AFF3: variants seen among roughly 807,000 people sequenced by gnomAD.
AFF3 encodes the protein AF4/FMR2 family member 3.
A neutral mutation model predicts 129.7 loss-of-function variants in AFF3; 32 were observed. The observed-to-expected ratio is 0.25, with a 90% CI of 0.19 to 0.33. AFF3 has a LOEUF of 0.33. Ranked by LOEUF, AFF3 falls within the 10% of genes least tolerant of loss-of-function variation. AFF3 has a pLI of 1.00. For missense variants in AFF3, 1,373 were observed against 1,592.0 expected (o/e 0.86, Z 2.34); for synonymous variants, 644 against 635.4 (o/e 1.01, Z -0.20).
At chr2:100,053,407 G>C (rs1489161699) in intron 4 of AFF3, among the ~76,000 whole-genome samples, 3 of 152,190 alleles carry the variant, frequency 2.0e-5, no homozygotes, top group Non-Finnish European at 4.4e-5. Context: ...TAGAAACCTG[G>C]GACCTGTCAA....
At chr2:99,589,259 G>A (rs1420385340) in intron 15 of AFF3, among the ~76,000 whole-genome samples, 1 of 152,170 alleles carries the variant, frequency 6.6e-6, no homozygotes, top group Non-Finnish European at 1.5e-5. Flanking sequence ...GCACCAGCAA[G>A]TAGTAAGGAA....
At chr2:99,878,398 A>T (rs954136702) in intron 7 of AFF3, among the ~76,000 whole-genome samples, 2 of 152,208 alleles carry the variant, frequency 1.3e-5, no homozygotes, top group African/African-American at 4.8e-5. Context: ...TTCAACCTGT[A>T]ATCATGTACT....
At chr2:99,813,368 G>A (rs1310817339) in intron 8 of AFF3, among the ~76,000 whole-genome samples, 1 of 152,188 alleles carries the variant, frequency 6.6e-6, no homozygotes, top group Non-Finnish European at 1.5e-5. Context: ...GCTTCCAAAA[G>A]AGCTCTTTAA....
intron 4 of AFF3, among the ~76,000 whole-genome samples, chr2:100,018,464 G>C (rs1333821499): frequency 6.6e-6 from 1 of 152,112 alleles, no homozygotes; most frequent in Non-Finnish European, 1.5e-5. Context: ...CATTTCCAAG[G>C]GTTAAATGCT....
intron 22 of AFF3, among the ~76,000 whole-genome samples, chr2:99,557,535 T>G (rs1675053984): frequency 6.6e-6 from 1 of 152,240 alleles, no homozygotes; most frequent in African/African-American, 2.4e-5. Context: ...CCTGGCGGCT[T>G]ACAGAATTCA....
intron 7 of AFF3, among the ~76,000 whole-genome samples, chr2:99,942,849 T>C (rs1216145419): frequency 6.6e-6 from 1 of 152,152 alleles, no homozygotes; most frequent in Non-Finnish European, 1.5e-5. Context: ...GCCTCACAGC[T>C]GGCTCAGTGA....
chr2:99,727,148 A>G lies in AFF3; in HGVS notation c.1040-20T>C, dbSNP rs780234286. ...CTTTCTCTTAAAAAGGAAGCAGAAAAAAATACCGACATATGAGTCTTACAG... is the reference window on the plus strand; with the variant it reads ...CTTTCTCTTAAAAAGGAAGCAGAAAGAAATACCGACATATGAGTCTTACAG... On this transcript the variant is annotated intron_variant, in intron 10 of 24. Coordinates refer to ENST00000672756, the MANE Select transcript of AFF3 (RefSeq NM_001386135.1). 6.2e-7 allele frequency: 1 copy of G among 1,605,398 alleles called. No homozygotes were observed. Among genetic ancestry groups the G allele is most frequent in the Non-Finnish European group, 8.5e-7 (1 of 1,175,902 alleles).
chr2:100,108,079 G>T (rs186648227), intron 2 of AFF3, among the ~76,000 whole-genome samples: 32 of 152,218 alleles, frequency 2.1e-4, no homozygotes, highest in Admixed American at 2.1e-3. Context: ...CTCCAGCTTT[G>T]TCCCTAAGGA....
At chr2:99,557,857 A>C (rs1489298037) in intron 22 of AFF3, among the ~76,000 whole-genome samples, 1 of 152,180 alleles carries the variant, frequency 6.6e-6, no homozygotes, top group African/African-American at 2.4e-5. Context: ...ACAGATCTCA[A>C]ATGATGGTTG....
intron 19 of AFF3, among the ~76,000 whole-genome samples, chr2:99,566,532 A>G (rs2104638868): frequency 6.6e-6 from 1 of 152,316 alleles, no homozygotes; most frequent in African/African-American, 2.4e-5. Flanking sequence ...TGGATAACAC[A>G]GCAAGACGCT....
chr2:99,764,553 A>T (rs1682857398), intron 8 of AFF3, among the ~76,000 whole-genome samples: 1 of 152,196 alleles, frequency 6.6e-6, no homozygotes, highest in Admixed American at 6.5e-5. Context: ...ATGAAACATT[A>T]AAAAAATTTA....
At chr2:99,613,035 T>C (rs1019765990) in intron 13 of AFF3, among the ~76,000 whole-genome samples, 1 of 152,250 alleles carries the variant, frequency 6.6e-6, no homozygotes, top group Admixed American at 6.5e-5. Context: ...AAAATTCTCA[T>C]TTTCTTTTCA....
intron 11 of AFF3, among the ~76,000 whole-genome samples, chr2:99,713,702 A>AT (rs568894995): frequency 1.3e-3 from 185 of 144,094 alleles, no homozygotes; most frequent in South Asian, 2.6e-3. Context: ...TAGACTCCCT[A>AT]TTTTTTTTTT....
At chr2:100,136,222 G>A (rs1559140888) in intron 1 of AFF3, among the ~76,000 whole-genome samples, 2 of 152,222 alleles carry the variant, frequency 1.3e-5, no homozygotes, top group Non-Finnish European at 2.9e-5. Flanking sequence ...GGCATCGTTG[G>A]TGTTTCAGTG....
intron 4 of AFF3, among the ~76,000 whole-genome samples, chr2:100,040,987 C>G (rs1299467819): frequency 3.9e-5 from 6 of 152,238 alleles, no homozygotes; most frequent in Non-Finnish European, 8.8e-5. Context: ...ATCCAGGTCT[C>G]TGGGTCTTCC....
intron 8 of AFF3, among the ~76,000 whole-genome samples, chr2:99,817,747 A>T (rs1326265487): frequency 6.6e-6 from 1 of 152,202 alleles, no homozygotes; most frequent in East Asian, 1.9e-4. Context: ...TGAGCTAAAC[A>T]ACTAGCCTGG....
chr2:99,821,804 A>T (rs1366193354), intron 8 of AFF3, among the ~76,000 whole-genome samples: 5 of 152,184 alleles, frequency 3.3e-5, no homozygotes, highest in Admixed American at 3.3e-4. Context: ...TATGCGGCAC[A>T]TGACTATTTC....
At chr2:99,782,476 G>C (rs939802730) in intron 8 of AFF3, among the ~76,000 whole-genome samples, 1 of 152,224 alleles carries the variant, frequency 6.6e-6, no homozygotes, top group Non-Finnish European at 1.5e-5. Flanking sequence ...GCCATAGGAA[G>C]AGGGGCCTGC....
chr2:99,731,078 C>T (rs550128289), intron 10 of AFF3, among the ~76,000 whole-genome samples: 1 of 152,172 alleles, frequency 6.6e-6, no homozygotes, highest in East Asian at 1.9e-4. Flanking sequence ...CTGCCTCAGC[C>T]TCCTGAGCAG....
Sources: gnomAD v4.1 joint callset for allele counts (sites outside exome capture counted in the v4.1 genomes callset) on GRCh38, gnomAD v4.1.1 for gene constraint, MANE v1.5 for transcripts, NCBI Gene and HGNC (gene_info 2026-07-23, HGNC 2026-07-21) for gene names.